UGGT2: variants seen among roughly 807,000 people sequenced by gnomAD.
The protein encoded by UGGT2 is UDP-glucose:glycoprotein glucosyltransferase 2.
In UGGT2, 180 loss-of-function variants were observed where a neutral mutation model predicts 192.1. That is an observed-to-expected ratio of 0.94 (90% confidence interval 0.83 to 1.06). The LOEUF is 1.06. Among genes scored for constraint, UGGT2 ranks in the 50% least tolerant of loss-of-function variants. UGGT2 has a pLI of 0.00. For missense variants in UGGT2, 1,849 were observed against 1,795.7 expected (o/e 1.03, Z -0.54); for synonymous variants, 580 against 591.0 (o/e 0.98, Z 0.27).
intron 12 of UGGT2, among the ~76,000 whole-genome samples, chr13:95,959,965 T>A (rs1458334823): frequency 6.6e-6 from 1 of 152,164 alleles, no homozygotes; most frequent in African/African-American, 2.4e-5. Context: ...GCAACTGTGC[T>A]ACAAGCCACC....
At chr13:95,922,759 G>A (rs2048886552) in intron 20 of UGGT2, among the ~76,000 whole-genome samples, 1 of 151,084 alleles carries the variant, frequency 6.6e-6, no homozygotes, top group South Asian at 2.1e-4. Context: ...GGAGTTGGGT[G>A]CTGTGGTGAG....
chr13:95,870,381 G>A (rs185872225), intron 29 of UGGT2, among the ~76,000 whole-genome samples: 3 of 152,320 alleles, frequency 2.0e-5, no homozygotes, highest in African/African-American at 7.2e-5. Flanking sequence ...ACATTTGCAT[G>A]TTATTTGGAA....
intron 22 of UGGT2, among the ~76,000 whole-genome samples, chr13:95,898,810 C>CA (rs1236927860): frequency 6.6e-6 from 1 of 152,192 alleles, no homozygotes; most frequent in African/African-American, 2.4e-5. Flanking sequence ...AAGCTCCCAT[C>CA]AGATGCCAGT....
At chr13:95,882,342 G>A (rs1244242248) in intron 27 of UGGT2, among the ~76,000 whole-genome samples, 2 of 152,204 alleles carry the variant, frequency 1.3e-5, no homozygotes, top group Non-Finnish European at 2.9e-5. Context: ...TCTTCCAGGT[G>A]TTTGTACAGT....
intron 17 of UGGT2, among the ~76,000 whole-genome samples, chr13:95,934,032 C>T (rs1451621710): frequency 6.6e-6 from 1 of 152,214 alleles, no homozygotes; most frequent in African/African-American, 2.4e-5. Flanking sequence ...ACTCTGAAAA[C>T]TGCTTTTGCT....
At chr13:95,944,255 T>C (rs891141180) in intron 15 of UGGT2, among the ~76,000 whole-genome samples, 2 of 152,112 alleles carry the variant, frequency 1.3e-5, no homozygotes, top group African/African-American at 2.4e-5. Flanking sequence ...ATTAGATTCA[T>C]AGACTAATTT....
intron 1 of UGGT2, among the ~76,000 whole-genome samples, chr13:96,051,476 T>TAA (rs200085982): frequency 6.6e-6 from 1 of 151,370 alleles, no homozygotes; most frequent in Non-Finnish European, 1.5e-5. Context: ...AGTATAATAA[T>TAA]AAAAAAAATA....
At chr13:95,917,299 A>G (rs1157390154) in intron 20 of UGGT2, among the ~76,000 whole-genome samples, 1 of 152,206 alleles carries the variant, frequency 6.6e-6, no homozygotes, top group Non-Finnish European at 1.5e-5. Flanking sequence ...TCCCAAAAAA[A>G]AGAATTTCCA....
chr13:95,963,697 A>G (rs553088279), intron 12 of UGGT2, among the ~76,000 whole-genome samples: 1 of 152,324 alleles, frequency 6.6e-6, no homozygotes, highest in South Asian at 2.1e-4. Flanking sequence ...TGCAGGATAT[A>G]AAATCAGCAC....
At chr13:96,049,184 A>C (rs1434592535) in intron 1 of UGGT2, among the ~76,000 whole-genome samples, 1 of 152,248 alleles carries the variant, frequency 6.6e-6, no homozygotes, top group Non-Finnish European at 1.5e-5. Flanking sequence ...AACATATGCA[A>C]ATCAATAAAC....
intron 30 of UGGT2, 26 bp from the exon 31 acceptor site, chr13:95,863,740 G>C (rs1252397465): frequency 1.3e-6 from 2 of 1,566,672 alleles, no homozygotes; most frequent in Non-Finnish European, 8.8e-7. Flanking sequence ...AAAAAGATTA[G>C]AATTTGGCTG....
chr13:96,034,646 T>G (rs1032263380), intron 1 of UGGT2, among the ~76,000 whole-genome samples: 5 of 152,226 alleles, frequency 3.3e-5, no homozygotes, highest in Admixed American at 3.3e-4. Context: ...TAGGGCTGTG[T>G]GGTTCCTGGT....
chr13:95,831,333 T>C (rs1019915730), intron 38 of UGGT2, among the ~76,000 whole-genome samples: 4 of 152,134 alleles, frequency 2.6e-5, no homozygotes, highest in Admixed American at 6.6e-5. Context: ...TATACATATC[T>C]ATACACAAAC....
chr13:95,827,983 C>T (rs1246840599), intron 38 of UGGT2, among the ~76,000 whole-genome samples: 1 of 152,144 alleles, frequency 6.6e-6, no homozygotes, highest in East Asian at 1.9e-4. Flanking sequence ...TCACCTTGCA[C>T]TCTTCGACCA....
intron 29 of UGGT2, 148 bp downstream of exon 29, chr13:95,877,128 TGCC>T (rs765096396): frequency 2.3e-5 from 13 of 555,178 alleles, no homozygotes; most frequent in Non-Finnish European, 3.9e-5. Context: ...GTGATCTGCC[TGCC>T]TCGGCCTACC....
Position 95,854,426 on chromosome 13 carries a change from G to C in UGGT2, c.4058C>G (p.Ala1353Gly). 1 of 1,612,016 alleles carries C rather than the reference G, an allele frequency of 6.2e-7. No individual in the cohort carries two copies. The highest frequency in any genetic ancestry group is 8.5e-7 in the Non-Finnish European group (1 of 1,179,306). Residue 1353 changes from alanine (A) to glycine (G), a missense_variant, in exon 35 of 39, where the codon GCT becomes GGT. By Grantham distance (60) the Ala-to-Gly change is moderately conservative (BLOSUM62 0). Transcript: ENST00000376747. ...KELRDFDLDG[A>G]PYGYTPFCDS... The stretch of plus-strand genomic sequence containing the variant: ...ACAAAATGGAGTATACCCATAAGGA[G>C]CTCCATCCAGATCGAAATCTCGAAG...
chr13:95,900,708 G>T, intron 22 of UGGT2, 99 bp downstream of exon 22: 2 of 1,325,434 alleles, frequency 1.5e-6, no homozygotes, highest in Non-Finnish European at 1.0e-6. Flanking sequence ...ACCGTCCTCT[G>T]TGTGTGTCAG....
intron 12 of UGGT2, among the ~76,000 whole-genome samples, chr13:95,959,614 T>A (rs2050324599): frequency 6.6e-6 from 1 of 152,030 alleles, no homozygotes; most frequent in Non-Finnish European, 1.5e-5. Context: ...GCCACTACCA[T>A]CACCTCAGGG....
Position 95,982,675 on chromosome 13 carries a change from T to C in UGGT2, c.1092+1129A>G, listed in dbSNP as rs191111543. On this transcript the variant is annotated intron_variant, in intron 10 of 38. Transcript: ENST00000376747. ...AGAGAGAGAGCTGTTCTCCTTTCTC[T>C]TTCTTTTGCGTATTAAGCCTCCACT... Among the ~76,000 whole-genome samples, 51 of 152,220 alleles carry C rather than the reference T, an allele frequency of 3.4e-4. 1 individual carries two copies. Among genetic ancestry groups the C allele is most frequent in the Middle Eastern group, 3.4e-3 (1 of 294 alleles).
Sources: allele counts gnomAD v4.1 joint callset (sites outside exome capture counted in the v4.1 genomes callset), GRCh38; gene constraint gnomAD v4.1.1; transcripts MANE v1.5; gene names NCBI Gene and HGNC (gene_info 2026-07-23, HGNC 2026-07-21).